Variants in SUGCT observed in about 807,000 individuals in gnomAD.
SUGCT encodes succinyl-CoA:glutarate CoA-transferase.
A neutral mutation model predicts 55.0 loss-of-function variants in SUGCT; 41 were observed. That is an observed-to-expected ratio of 0.74 (90% CI 0.58 to 0.97). The LOEUF is 0.97. Among genes scored for constraint, SUGCT ranks in the 50% least tolerant of loss-of-function variants. The pLI is 0.00. For synonymous variants in SUGCT, 187 were observed against 200.4 expected, an observed-to-expected ratio of 0.93 and a Z score of 0.56; for missense variants, 568 against 547.8, an observed-to-expected ratio of 1.04 and a Z score of -0.37.
chr7:40,727,417 TCTC>T (rs1399892236), intron 12 of SUGCT, among the ~76,000 whole-genome samples: 4 of 152,148 alleles, frequency 2.6e-5, no homozygotes, highest in African/African-American at 7.2e-5. Context: ...ATTGGACCAT[TCTC>T]CTCTCTTGTA....
At position 40,860,431 on chromosome 7, in the gene SUGCT, C is replaced by T. The variant is rs762140319; in HGVS notation, c.1269C>T (p.Ile423=). The T allele has an allele frequency of 2.9e-5, 47 of 1,613,806 alleles. No homozygotes were observed. The highest frequency in any genetic ancestry group is 2.3e-5 in the Non-Finnish European group (27 of 1,179,826). The change falls in exon 14 of 14, where the codon ATC becomes ATT. Residue 423 remains isoleucine (I), a synonymous_variant. Transcript: ENST00000335693. ...TCCTGAGATACGATGACAGGGCCATCGGGGAGCTGCTCAGCGCTGGAGTGG... is the reference window on the plus strand; with the variant it reads ...TCCTGAGATACGATGACAGGGCCATTGGGGAGCTGCTCAGCGCTGGAGTGG... ...KEVLRYDDRA[I]GELLSAGVVD... is the part of the protein sequence containing the mutation.
At chr7:40,207,812 C>G (rs1005860580) in intron 6 of SUGCT, among the ~76,000 whole-genome samples, 5 of 151,804 alleles carry the variant, frequency 3.3e-5, no homozygotes, top group Non-Finnish European at 5.9e-5. Context: ...AAAAATTATA[C>G]ACAGAATTAG....
chr7:40,342,625 C>T (rs1797111579), intron 9 of SUGCT, among the ~76,000 whole-genome samples: 1 of 144,116 alleles, frequency 6.9e-6, no homozygotes, highest in South Asian at 2.3e-4. Context: ...TAAAATTACT[C>T]TGTCAAATTT....
intron 12 of SUGCT, among the ~76,000 whole-genome samples, chr7:40,546,556 A>G (rs370953651): frequency 3.3e-5 from 5 of 152,246 alleles, no homozygotes; most frequent in South Asian, 2.1e-4. Flanking sequence ...AATTAAGCCA[A>G]TGTATTCACA....
intron 12 of SUGCT, among the ~76,000 whole-genome samples, chr7:40,522,467 C>A (rs900628372): frequency 1.3e-5 from 2 of 152,066 alleles, no homozygotes; most frequent in Non-Finnish European, 2.9e-5. Context: ...TTTATCCTTA[C>A]AGTTACCTGG....
chr7:40,502,530 A>G (rs979935619), intron 12 of SUGCT, among the ~76,000 whole-genome samples: 6 of 151,920 alleles, frequency 3.9e-5, no homozygotes, highest in African/African-American at 7.2e-5. Flanking sequence ...AAAATGTATA[A>G]TTTTAATTAT....
intron 11 of SUGCT, among the ~76,000 whole-genome samples, chr7:40,462,317 G>T (rs549550186): frequency 6.6e-6 from 1 of 152,164 alleles, no homozygotes; most frequent in Non-Finnish European, 1.5e-5. Context: ...AGTGTGCTTG[G>T]ATCTGAGGGA....
chr7:40,818,502 T>G (rs1791794635), intron 13 of SUGCT, among the ~76,000 whole-genome samples: 1 of 152,158 alleles, frequency 6.6e-6, no homozygotes, highest in Admixed American at 6.5e-5. Flanking sequence ...ACTGCTTTCC[T>G]CAAAAAGGGG....
At position 40,192,634 on chromosome 7, in the gene SUGCT, T is replaced by TTTC. The variant is rs1785980797; in HGVS notation, c.364-2304_364-2303insCTT. Among the ~76,000 whole-genome samples the TTTC allele has an allele frequency of 8.6e-5, 6 of 69,472 alleles. No individual in the cohort carries two copies. In the South Asian group the frequency reaches 4.3e-3, roughly 50 times the overall value. The allele number at this position is 69,472 out of a possible 152,430, so 45.6% of individuals were successfully genotyped here. On this transcript the variant is annotated intron_variant, in intron 5 of 13. Transcript: ENST00000335693. ...TGCAGTTTATTTTCTTTCTTTCTTTTTTTTTTTTTTTTTTGAGGTGGAGTT... is the reference window on the plus strand; with the variant it reads ...TGCAGTTTATTTTCTTTCTTTCTTTTTTCTTTTTTTTTTTTTTGAGGTGGAGTT...
intron 10 of SUGCT, among the ~76,000 whole-genome samples, chr7:40,451,803 C>T (rs1789204602): frequency 6.6e-6 from 1 of 152,182 alleles, no homozygotes; most frequent in Admixed American, 6.5e-5. Flanking sequence ...GTTTTCTTCC[C>T]TTCCCAGTTA....
At chr7:40,369,276 G>T (rs1162073356) in intron 9 of SUGCT, among the ~76,000 whole-genome samples, 1 of 152,108 alleles carries the variant, frequency 6.6e-6, no homozygotes, top group Non-Finnish European at 1.5e-5. Flanking sequence ...CTCTGCTTTG[G>T]AAGTGGAGTG....
intron 12 of SUGCT, among the ~76,000 whole-genome samples, chr7:40,569,706 TA>T (rs60244762): frequency 3.8e-3 from 564 of 148,940 alleles, no homozygotes; most frequent in South Asian, 0.013. Flanking sequence ...GGAAGGATTA[TA>T]AAAAAAAAAC....
At chr7:40,193,234 G>A (rs1320004190) in intron 5 of SUGCT, among the ~76,000 whole-genome samples, 4 of 149,100 alleles carry the variant, frequency 2.7e-5, no homozygotes, top group Non-Finnish European at 5.9e-5. Context: ...GCCTCACAAA[G>A]TGTTGGGATT....
chr7:40,246,022 A>C (rs1241938538), intron 7 of SUGCT, among the ~76,000 whole-genome samples: 1 of 151,776 alleles, frequency 6.6e-6, no homozygotes, highest in Non-Finnish European at 1.5e-5. Flanking sequence ...TTTTGTAGAG[A>C]TGGGGTCTCT....
At chr7:40,483,081 T>G (rs539364765) in intron 11 of SUGCT, among the ~76,000 whole-genome samples, 3 of 152,182 alleles carry the variant, frequency 2.0e-5, no homozygotes, top group African/African-American at 4.8e-5. Context: ...ACAGGAAATA[T>G]TAAATCTGTG....
intron 11 of SUGCT, among the ~76,000 whole-genome samples, chr7:40,494,774 C>G (rs1160572917): frequency 2.0e-5 from 3 of 152,052 alleles, no homozygotes; most frequent in African/African-American, 7.2e-5. Context: ...TATGATTGAA[C>G]ATCATTGTTC....
At position 40,623,608 on chromosome 7, in the gene SUGCT, A is replaced by C. The variant is rs191237606; in HGVS notation, c.1090-125826A>C. Among the ~76,000 whole-genome samples the C allele has an allele frequency of 5.9e-5, 9 of 152,266 alleles. No individual in the cohort carries two copies. In the East Asian group the frequency reaches 1.7e-3, roughly 29 times the overall value. Reference sequence around the variant, plus strand: ...AATTCCAAGAATTTTTTTGTAGAAAATATGTACTATTTTAGCTTTTGGACT... The same window carrying C: ...AATTCCAAGAATTTTTTTGTAGAAACTATGTACTATTTTAGCTTTTGGACT... On this transcript the variant is annotated intron_variant, in intron 12 of 13. Transcript: ENST00000335693.
the SUGCT span, among the ~76,000 whole-genome samples, chr7:41,012,751 T>G: frequency 1.3e-5 from 2 of 151,246 alleles, no homozygotes; most frequent in South Asian, 2.1e-4. Flanking sequence ...ACTAATGTTT[T>G]ATCCAGAGAA....
At chr7:40,903,252 G>C in the SUGCT span, among the ~76,000 whole-genome samples, 1 of 152,128 alleles carries the variant, frequency 6.6e-6, no homozygotes, top group African/African-American at 2.4e-5. Context: ...GCAGCTGGAC[G>C]GAGGTGAGAG....
Sources: gnomAD v4.1 joint callset for allele counts (sites outside exome capture counted in the v4.1 genomes callset) on GRCh38, gnomAD v4.1.1 for gene constraint, MANE v1.5 for transcripts, NCBI Gene and HGNC (gene_info 2026-07-23, HGNC 2026-07-21) for gene names.